Variants in SPSB4 observed in about 807,000 individuals in gnomAD.
The protein encoded by SPSB4 is SPRY domain-containing SOCS box protein 4.
A neutral mutation model predicts 20.9 loss-of-function variants in SPSB4; 21 were observed. The ratio of observed to expected loss-of-function variants is 1.01; its 90% CI spans 0.71 to 1.45. SPSB4 has a LOEUF of 1.45. Ranked by LOEUF, SPSB4 falls within the 40% of genes most tolerant of loss-of-function variation. The probability of loss-of-function intolerance (pLI) is 0.00; values close to 1 mark genes in which losing one functional copy is unlikely to be tolerated. For missense variants in SPSB4, 399 were observed against 399.2 expected, an observed-to-expected ratio of 1.00 and a Z score of 0.00; for synonymous variants, 207 against 183.8, an observed-to-expected ratio of 1.13 and a Z score of -1.02.
chr3:141,139,023 G>A (rs967069503), intron 2 of SPSB4, among the ~76,000 whole-genome samples: 5 of 152,142 alleles, frequency 3.3e-5, no homozygotes, highest in Non-Finnish European at 7.3e-5. Flanking sequence ...GTGCTCCTGT[G>A]TTGGGTGCAT....
intron 2 of SPSB4, among the ~76,000 whole-genome samples, chr3:141,106,609 C>T (rs1231066903): frequency 6.6e-6 from 1 of 152,182 alleles, no homozygotes; most frequent in African/African-American, 2.4e-5. Flanking sequence ...GAAGACCTGA[C>T]CCCAAACTGC....
intron 2 of SPSB4, among the ~76,000 whole-genome samples, chr3:141,146,772 T>TA (rs1166026396): frequency 0.042 from 5,424 of 128,170 alleles, 164 homozygotes; most frequent in Admixed American, 0.11. Context: ...AGACTCCATC[T>TA]AAAAAAAAAA....
chr3:141,141,816 T>G (rs2107808461), intron 2 of SPSB4, among the ~76,000 whole-genome samples: 1 of 152,330 alleles, frequency 6.6e-6, no homozygotes, highest in East Asian at 1.9e-4. Context: ...CCTTTAAATT[T>G]TCTAGTTTGT....
intron 2 of SPSB4, among the ~76,000 whole-genome samples, chr3:141,133,318 T>C (rs1256666956): frequency 6.6e-6 from 1 of 152,240 alleles, no homozygotes; most frequent in Non-Finnish European, 1.5e-5. Flanking sequence ...TCTACTTATC[T>C]TTGTTTTTAT....
At chr3:141,120,196 G>A (rs1938945022) in intron 2 of SPSB4, among the ~76,000 whole-genome samples, 1 of 152,186 alleles carries the variant, frequency 6.6e-6, no homozygotes, top group Non-Finnish European at 1.5e-5. Context: ...TCAGGAGCAG[G>A]TTGTTCAGTT....
chr3:141,122,903 G>A (rs1464428946), intron 2 of SPSB4, among the ~76,000 whole-genome samples: 1 of 152,214 alleles, frequency 6.6e-6, no homozygotes, highest in Non-Finnish European at 1.5e-5. Flanking sequence ...CTTCTCTGGT[G>A]AGGCGACGCC....
In SPSB4 at chr3:141,136,305, T is replaced by C. The variant is rs529336767; in HGVS notation, c.695-10837T>C. On this transcript the variant is annotated intron_variant, in intron 2 of 2. Coordinates refer to ENST00000310546, the MANE Select transcript of SPSB4 (RefSeq NM_080862.3). ...TCTGTAGGTTGCCTGTTCATTCTGA[T>C]GGTGGTTTCTTTTGCTGTGCAGAAG... is the stretch of plus-strand genomic sequence containing the variant. Among the ~76,000 whole-genome samples, 16 of 152,206 alleles carry C rather than the reference T, an allele frequency of 1.1e-4. 1 individual carries two copies. The highest frequency in any genetic ancestry group is 3.4e-4 in the African/African-American group (14 of 41,462).
rs1937878395 is a variant in SPSB4, at chr3:141,066,433, G to C, written c.329G>C (p.Gly110Ala). ...ATCAACTGGCCGGCTCGGCAGCGCG[G>C]CACCCACGCTGTAGTTGGTGTGGCC... The part of the protein sequence containing the change: ...WQINWPARQR[G>A]THAVVGVATA... The change falls in exon 2 of 3, where the codon GGC (glycine) becomes GCC (alanine). Residue 110 changes from glycine (G) to alanine (A), a missense_variant. Transcript: ENST00000310546. The C allele has an allele frequency of 6.6e-7, 1 of 1,510,240 alleles. No homozygotes were observed. Among genetic ancestry groups the C allele is most frequent in the Non-Finnish European group, 8.8e-7 (1 of 1,130,692 alleles). 93.6% of individuals were successfully genotyped at this position (1,510,240 alleles called of 1,614,324 possible).
At chr3:141,061,349 A>G (rs1937757260) in intron 1 of SPSB4, among the ~76,000 whole-genome samples, 1 of 152,142 alleles carries the variant, frequency 6.6e-6, no homozygotes, top group Admixed American at 6.5e-5. Flanking sequence ...TTAATGAGAT[A>G]GGAGAAAGAG....
At chr3:141,111,787 G>A (rs2107798523) in intron 2 of SPSB4, among the ~76,000 whole-genome samples, 2 of 152,226 alleles carry the variant, frequency 1.3e-5, no homozygotes, top group East Asian at 3.9e-4. Flanking sequence ...ATACGGTATT[G>A]TTTTCACACT....
intron 2 of SPSB4, among the ~76,000 whole-genome samples, chr3:141,135,412 T>C (rs1053764524): frequency 5.9e-5 from 9 of 151,980 alleles, no homozygotes; most frequent in Admixed American, 3.9e-4. Context: ...TTGTTACATA[T>C]GTATACATGT....
At chr3:141,071,242 C>G (rs935566507) in intron 2 of SPSB4, among the ~76,000 whole-genome samples, 1 of 152,176 alleles carries the variant, frequency 6.6e-6, no homozygotes, top group Non-Finnish European at 1.5e-5. Flanking sequence ...GGAATTGCTC[C>G]GTGGCTCCCC....
intron 2 of SPSB4, among the ~76,000 whole-genome samples, chr3:141,141,993 C>T (rs150534945): frequency 6.6e-6 from 1 of 152,090 alleles, no homozygotes; most frequent in African/African-American, 2.4e-5. Flanking sequence ...TTTCAAAGAA[C>T]TGGCTTTTTG....
In SPSB4 at chr3:141,127,902, C is replaced by T. The variant is rs143501915; in HGVS notation, c.695-19240C>T. Among the ~76,000 whole-genome samples the T allele has an allele frequency of 2.9e-4, 44 of 152,340 alleles. No individual in the cohort carries two copies. In the East Asian group the frequency reaches 8.5e-3, roughly 29 times the overall value. ...AGAACCGAACCGAATTCCAGAAGCT[C>T]TTTGTTCCCAGTTCATTTCCTAGTC... On this transcript the variant is annotated intron_variant, in intron 2 of 2. Coordinates refer to ENST00000310546, the MANE Select transcript of SPSB4 (RefSeq NM_080862.3).
intron 2 of SPSB4, among the ~76,000 whole-genome samples, chr3:141,095,072 C>A (rs371215840): frequency 2.0e-5 from 3 of 152,164 alleles, no homozygotes; most frequent in Admixed American, 6.5e-5. Flanking sequence ...TGCTGCCAAA[C>A]GGGGCGTGTC....
At chr3:141,087,202 C>A (rs1254981731) in intron 2 of SPSB4, among the ~76,000 whole-genome samples, 1 of 152,172 alleles carries the variant, frequency 6.6e-6, no homozygotes, top group Non-Finnish European at 1.5e-5. Flanking sequence ...GCTGGCGTAG[C>A]AGGCAGTGTG....
At chr3:141,121,834 T>C (rs1290812288) in intron 2 of SPSB4, among the ~76,000 whole-genome samples, 1 of 152,222 alleles carries the variant, frequency 6.6e-6, no homozygotes, top group Non-Finnish European at 1.5e-5. Context: ...TCAAGGTTTT[T>C]AGCTTCCTTG....
In SPSB4 at chr3:141,066,520, C is replaced by T. The variant is rs1350088124; in HGVS notation, c.416C>T (p.Ser139Leu). 2.0e-6 allele frequency: 3 copies of T among 1,507,526 alleles called. No individual in the cohort carries two copies. Among genetic ancestry groups the T allele is most frequent in the South Asian group, 1.3e-5 (1 of 76,310 alleles). The allele number at this position is 1,507,526 out of a possible 1,614,324, so 93.4% of individuals were successfully genotyped here. A position where few individuals can be genotyped will look rare whatever the true frequency, so the allele number is the denominator to read the frequency against. Residue 139 changes from serine (S) to leucine (L), a missense_variant, in exon 2 of 3, where the codon TCG becomes TTG. Transcript: ENST00000310546. ...YTALVGSDAE[S>L]WGWDLGRSRL... ...GCGCTGGTAGGCAGTGACGCCGAGT[C>T]GTGGGGCTGGGACCTGGGCCGCAGC...
chr3:141,090,972 G>T (rs1206479816), intron 2 of SPSB4, among the ~76,000 whole-genome samples: 2 of 152,166 alleles, frequency 1.3e-5, no homozygotes, highest in African/African-American at 4.8e-5. Context: ...TTGCTGTAAA[G>T]GATAAGAAAA....
Sources: allele counts gnomAD v4.1 joint callset (sites outside exome capture counted in the v4.1 genomes callset), GRCh38; gene constraint gnomAD v4.1.1; transcripts MANE v1.5; gene names NCBI Gene and HGNC (gene_info 2026-07-23, HGNC 2026-07-21).